The following SLC1A6 variants were observed in gnomAD, a reference collection of about 807,000 sequenced individuals.
The protein encoded by SLC1A6 is solute carrier family 1 member 6, also known as excitatory amino acid transporter 4.
A neutral mutation model predicts 42.1 loss-of-function variants in SLC1A6; 15 were observed. The observed-to-expected ratio is 0.36, with a 90% confidence interval of 0.24 to 0.55. The LOEUF is 0.55. Ranked by LOEUF, SLC1A6 falls within the 20% of genes least tolerant of loss-of-function variation. The pLI is 0.88. For synonymous variants in SLC1A6, 317 were observed against 319.7 expected (o/e 0.99, Z 0.09); for missense variants, 542 against 772.5 (o/e 0.70, Z 3.54).
intron 1 of SLC1A6, among the ~76,000 whole-genome samples, chr19:14,975,514 G>C (rs2045694572): frequency 6.6e-6 from 1 of 152,078 alleles, no homozygotes; most frequent in Admixed American, 6.6e-5. Flanking sequence ...CAGCAATTTG[G>C]AAGGCCGAGG....
chr19:14,996,072 T>A (rs2045844628), intron 1 of SLC1A6, among the ~76,000 whole-genome samples: 1 of 152,222 alleles, frequency 6.6e-6, no homozygotes. Flanking sequence ...ATCCTATTTA[T>A]AATCAACACT....
chr19:14,970,615 G>C (rs1301801459), intron 3 of SLC1A6, among the ~76,000 whole-genome samples: 4 of 152,036 alleles, frequency 2.6e-5, no homozygotes, highest in African/African-American at 9.7e-5. Context: ...GGAGGCTGAG[G>C]CAGGAGAATG....
At chr19:14,952,266 A>G (rs12981997) in intron 9 of SLC1A6, among the ~76,000 whole-genome samples, 107,618 of 148,872 alleles carry the variant, frequency 0.72, 39,361 homozygotes, top group African/African-American at 0.84. Context: ...ACAGCAAAAC[A>G]TAATCTCAAA....
At chr19:14,964,222 C>T (rs2045548415) in intron 5 of SLC1A6, 97 bp downstream of exon 5, 2 of 986,242 alleles carry the variant, frequency 2.0e-6, no homozygotes, top group South Asian at 1.3e-5. Context: ...CTCTGTCAGG[C>T]CCTTCCTCCC....
chr19:14,954,056 C>CACCCACCCCA, intron 8 of SLC1A6, 79 bp downstream of exon 8: 2 of 1,129,826 alleles, frequency 1.8e-6, no homozygotes, highest in African/African-American at 1.6e-5. Context: ...AGGCCCCCTC[C>CACCCACCCCA]TCCCTCCCCA....
chr19:14,987,607 A>G (rs914022245), intron 1 of SLC1A6, among the ~76,000 whole-genome samples: 2 of 152,174 alleles, frequency 1.3e-5, no homozygotes, highest in African/African-American at 4.8e-5. Context: ...GCAAAGACGC[A>G]AAGCAGATAA....
intron 2 of SLC1A6, 156 bp downstream of exon 2, chr19:14,972,547 GTGT>G (rs2045653510): frequency 3.2e-6 from 2 of 630,470 alleles, no homozygotes; most frequent in African/African-American, 1.8e-5. Flanking sequence ...CATCTGTGTG[GTGT>G]GTCTTTATGT....
At chr19:14,958,198 G>A (rs1310050257) in intron 6 of SLC1A6, among the ~76,000 whole-genome samples, 1 of 152,032 alleles carries the variant, frequency 6.6e-6, no homozygotes, top group African/African-American at 2.4e-5. Flanking sequence ...ATCACTTGAG[G>A]TCAGGAGTTC....
Position 14,986,389 on chromosome 19 carries a change from G to C in SLC1A6, c.7-13472C>G, listed in dbSNP as rs539522925. ...AAAAAAAAATTAGCCCAGCATGGTGGGGGGTGCCTGTAATCTCAGCTACTA... is the reference window on the plus strand; with the variant it reads ...AAAAAAAAATTAGCCCAGCATGGTGCGGGGTGCCTGTAATCTCAGCTACTA... On this transcript the variant is annotated intron_variant, in intron 1 of 8. Transcript: ENST00000430939. Among the ~76,000 whole-genome samples, 456 of 151,822 alleles carry C rather than the reference G, an allele frequency of 3.0e-3. 2 individuals carry two copies. Among genetic ancestry groups the C allele is most frequent in the African/African-American group, 0.01 (422 of 41,452 alleles).
intron 1 of SLC1A6, among the ~76,000 whole-genome samples, chr19:14,998,586 C>T (rs2045858008): frequency 6.6e-6 from 1 of 152,026 alleles, no homozygotes; most frequent in African/African-American, 2.4e-5. Flanking sequence ...ACAAAAAAAG[C>T]AGAGATCTTA....
At chr19:14,998,791 G>A (rs1367233027) in intron 1 of SLC1A6, among the ~76,000 whole-genome samples, 1 of 151,990 alleles carries the variant, frequency 6.6e-6, no homozygotes, top group Non-Finnish European at 1.5e-5. Flanking sequence ...CTCCTTTCCA[G>A]GTCTTCTCCC....
intron 3 of SLC1A6, among the ~76,000 whole-genome samples, chr19:14,968,883 A>T (rs112501869): frequency 0.059 from 6,034 of 103,066 alleles, 246 homozygotes; most frequent in African/African-American, 0.17. Context: ...TCCTTCGCCC[A>T]GACTGGAGTG....
At chr19:15,010,516 GGAA>G (rs1323190531) in exon 1 of SLC1A6, 1 of 597,954 alleles carries the variant, frequency 1.7e-6, no homozygotes, top group African/African-American at 1.8e-5. Context: ...CTGGACAGCT[GGAA>G]GCGCTTAGGA....
chr19:14,950,608 C>G (rs1410007308), intron 9 of SLC1A6, among the ~76,000 whole-genome samples: 1 of 151,974 alleles, frequency 6.6e-6, no homozygotes, highest in Non-Finnish European at 1.5e-5. Context: ...CATGTTTGAT[C>G]TTAGATGTGA....
At chr19:14,988,564 A>C (rs1201089663) in intron 1 of SLC1A6, among the ~76,000 whole-genome samples, 3 of 152,236 alleles carry the variant, frequency 2.0e-5, no homozygotes, top group African/African-American at 7.2e-5. Flanking sequence ...CATCAGGGAA[A>C]TGCAAATTAA....
chr19:15,001,427 G>A (rs10423303), intron 1 of SLC1A6, among the ~76,000 whole-genome samples: 8,865 of 152,174 alleles, frequency 0.058, 424 homozygotes, highest in South Asian at 0.27. Flanking sequence ...GAACATTTCA[G>A]AGAGGGGAAA....
At chr19:14,973,221 T>G in intron 1 of SLC1A6, 1 of 340,356 alleles carries the variant, frequency 2.9e-6, no homozygotes. Context: ...ATCTATGATC[T>G]TCCCAGCCTG....
intron 1 of SLC1A6, among the ~76,000 whole-genome samples, chr19:15,007,722 C>A (rs1054754863): frequency 1.3e-5 from 2 of 151,934 alleles, no homozygotes; most frequent in Non-Finnish European, 2.9e-5. Flanking sequence ...CAGAGAAATG[C>A]CAATTAAAAT....
At chr19:14,964,474 T>G in intron 4 of SLC1A6, 113 bp from the exon 5 acceptor site, 5 of 839,226 alleles carry the variant, frequency 6.0e-6, no homozygotes, top group Non-Finnish European at 1.0e-5. Context: ...ATATGAATGC[T>G]TCCTCTAGGC....
Sources: gnomAD v4.1 joint callset for allele counts (sites outside exome capture counted in the v4.1 genomes callset) on GRCh38, gnomAD v4.1.1 for gene constraint, MANE v1.5 for transcripts, NCBI Gene and HGNC (gene_info 2026-07-23, HGNC 2026-07-21) for gene names.